The following PTPRD variants were observed in gnomAD, a reference collection of about 807,000 sequenced individuals.
PTPRD encodes the protein protein tyrosine phosphatase receptor type D, also known as receptor-type tyrosine-protein phosphatase delta.
PTPRD carries 34 observed loss-of-function variants against 214.5 expected under a neutral mutation model. The observed-to-expected ratio is 0.16, with a 90% confidence interval of 0.12 to 0.21. The LOEUF (loss-of-function observed/expected upper bound fraction) is 0.21, where lower values mean the gene tolerates loss of function less well. Among genes scored for constraint, PTPRD ranks in the 10% least tolerant of loss-of-function variants. PTPRD has a pLI of 1.00. For missense variants in PTPRD, 2,545 were observed against 2,398.7 expected, an observed-to-expected ratio of 1.06 and a Z score of -1.27; for synonymous variants, 1,128 against 845.7, an observed-to-expected ratio of 1.33 and a Z score of -5.79.
intron 7 of PTPRD, among the ~76,000 whole-genome samples, chr9:9,667,955 G>T (rs1056014909): frequency 6.6e-6 from 1 of 152,118 alleles, no homozygotes; most frequent in Non-Finnish European, 1.5e-5. Context: ...AGACTTATGA[G>T]CTGCAAAGAT....
At chr9:8,657,426 C>T (rs1006253968) in intron 12 of PTPRD, among the ~76,000 whole-genome samples, 1 of 152,106 alleles carries the variant, frequency 6.6e-6, no homozygotes, top group South Asian at 2.1e-4. Flanking sequence ...ACCTTGGCCC[C>T]CCAAAGTGCT....
At chr9:10,099,759 C>A (rs1220745442) in intron 3 of PTPRD, among the ~76,000 whole-genome samples, 2 of 151,226 alleles carry the variant, frequency 1.3e-5, no homozygotes, top group African/African-American at 4.9e-5. Flanking sequence ...GGAAGTGGAG[C>A]AAACTTATCT....
intron 5 of PTPRD, among the ~76,000 whole-genome samples, chr9:9,891,225 C>T (rs2073206001): frequency 6.6e-6 from 1 of 152,080 alleles, no homozygotes; most frequent in Admixed American, 6.6e-5. Context: ...ATTTAACTTT[C>T]CCAGTGGTAT....
intron 33 of PTPRD, among the ~76,000 whole-genome samples, chr9:8,454,824 G>A (rs1426780374): frequency 1.3e-5 from 2 of 150,694 alleles, no homozygotes; most frequent in East Asian, 1.9e-4. Context: ...GTGTGTGTGT[G>A]TGTGTGTGTG....
chr9:9,530,440 A>C (rs2154263488), intron 8 of PTPRD, among the ~76,000 whole-genome samples: 1 of 152,336 alleles, frequency 6.6e-6, no homozygotes. Context: ...TGAATCAGGA[A>C]GAAATAGAAA....
intron 4 of PTPRD, among the ~76,000 whole-genome samples, chr9:10,029,524 T>C (rs958769727): frequency 1.1e-4 from 16 of 152,072 alleles, no homozygotes; most frequent in Non-Finnish European, 2.4e-4. Context: ...AGACATGGAG[T>C]CAAAGGAGAT....
At chr9:9,013,763 C>T (rs1001060165) in intron 11 of PTPRD, among the ~76,000 whole-genome samples, 1 of 152,114 alleles carries the variant, frequency 6.6e-6, no homozygotes, top group African/African-American at 2.4e-5. Context: ...GGGATGTACC[C>T]ACTGTTTTTT....
intron 12 of PTPRD, among the ~76,000 whole-genome samples, chr9:8,682,799 T>A (rs539988059): frequency 6.6e-6 from 1 of 152,328 alleles, no homozygotes; most frequent in East Asian, 1.9e-4. Context: ...CAGTTAAGTG[T>A]ATAAAACAGA....
intron 3 of PTPRD, among the ~76,000 whole-genome samples, chr9:10,249,500 C>T (rs1156687594): frequency 6.6e-6 from 1 of 152,180 alleles, no homozygotes; most frequent in East Asian, 1.9e-4. Flanking sequence ...CAAAAGCACA[C>T]TGCCTGAGTA....
At chr9:10,206,599 T>A (rs2099482241) in intron 3 of PTPRD, among the ~76,000 whole-genome samples, 1 of 152,206 alleles carries the variant, frequency 6.6e-6, no homozygotes, top group Admixed American at 6.5e-5. Flanking sequence ...ATATTCTTAT[T>A]GGAAGCCATG....
At chr9:9,681,805 G>A (rs371634053) in intron 7 of PTPRD, among the ~76,000 whole-genome samples, 2 of 151,774 alleles carry the variant, frequency 1.3e-5, no homozygotes, top group African/African-American at 2.4e-5. Flanking sequence ...GCTGGTTGTT[G>A]ACTTACAAAC....
chr9:8,458,879 T>C (rs889648747), intron 33 of PTPRD, among the ~76,000 whole-genome samples: 1 of 152,052 alleles, frequency 6.6e-6, no homozygotes, highest in African/African-American at 2.4e-5. Flanking sequence ...ATGATGGCAG[T>C]GTTCATGAAA....
At chr9:9,521,138 C>T (rs903342307) in intron 8 of PTPRD, among the ~76,000 whole-genome samples, 4 of 152,166 alleles carry the variant, frequency 2.6e-5, no homozygotes, top group African/African-American at 9.7e-5. Context: ...CAAACCTGTT[C>T]TCTGGCTGCT....
intron 2 of PTPRD, among the ~76,000 whole-genome samples, chr9:10,481,895 T>C (rs920219269): frequency 6.6e-6 from 1 of 152,040 alleles, no homozygotes; most frequent in African/African-American, 2.4e-5. Flanking sequence ...AATACAGCAA[T>C]TGAAAATTAA....
intron 12 of PTPRD, among the ~76,000 whole-genome samples, chr9:8,701,168 A>T (rs184322762): frequency 2.0e-5 from 3 of 152,206 alleles, no homozygotes; most frequent in Non-Finnish European, 4.4e-5. Context: ...CTCAAAAAAA[A>T]GAAAGTTAAA....
chr9:9,922,143 C>T (rs1033921102), intron 5 of PTPRD, among the ~76,000 whole-genome samples: 96 of 152,140 alleles, frequency 6.3e-4, no homozygotes, highest in African/African-American at 2.3e-3. Flanking sequence ...AGCAACTCAC[C>T]ACTTGGAAAA....
At chr9:10,291,378 T>A (rs1456166186) in intron 3 of PTPRD, among the ~76,000 whole-genome samples, 1 of 152,158 alleles carries the variant, frequency 6.6e-6, no homozygotes, top group Non-Finnish European at 1.5e-5. Flanking sequence ...AATGTTTGAA[T>A]GTTGCCTTAT....
At chr9:10,525,888 A>C (rs2134403352) in intron 2 of PTPRD, among the ~76,000 whole-genome samples, 1 of 152,196 alleles carries the variant, frequency 6.6e-6, no homozygotes. Flanking sequence ...CTTCTCAAAC[A>C]TCCTGTGTTA....
intron 12 of PTPRD, among the ~76,000 whole-genome samples, chr9:8,664,499 A>T (rs1291564703): frequency 1.3e-5 from 2 of 152,226 alleles, no homozygotes; most frequent in Non-Finnish European, 2.9e-5. Context: ...ACCAAGAAGC[A>T]TGGAAAAACA....
Sources: gnomAD v4.1 joint callset for allele counts (sites outside exome capture counted in the v4.1 genomes callset) on GRCh38, gnomAD v4.1.1 for gene constraint, MANE v1.5 for transcripts, NCBI Gene and HGNC (gene_info 2026-07-23, HGNC 2026-07-21) for gene names.